The following SLC30A8 variants were observed in gnomAD, a reference collection of about 807,000 sequenced individuals.
SLC30A8 encodes the protein proton-coupled zinc antiporter SLC30A8.
In SLC30A8, 27 loss-of-function variants were observed where a neutral mutation model predicts 36.9. The observed-to-expected ratio is 0.73, with a 90% CI of 0.54 to 1.01. The LOEUF (loss-of-function observed/expected upper bound fraction) is 1.01. SLC30A8 is among the 50% of genes least tolerant of loss of function. The pLI, the probability that SLC30A8 is intolerant of heterozygous loss-of-function variation, is 0.00. For missense variants in SLC30A8, 439 were observed against 452.0 expected, an observed-to-expected ratio of 0.97 and a Z score of 0.26; for synonymous variants, 164 against 172.4, an observed-to-expected ratio of 0.95 and a Z score of 0.38.
chr8:117,176,011 A>T lies in SLC30A8; in HGVS notation c.*3330A>T, dbSNP rs774890877. On this transcript the variant is annotated 3_prime_UTR_variant, in exon 8 of 8. Coordinates refer to ENST00000456015, the MANE Select transcript of SLC30A8 (RefSeq NM_173851.3). ...ATAAAAAGAACAACTGTCCAGTGCA[A>T]TGAAGGCAAAGTCATAGGTCTCCCA... The T allele has an allele frequency of 3.3e-5, 5 of 152,106 alleles. No homozygotes were observed. Among genetic ancestry groups the T allele is most frequent in the Non-Finnish European group, 7.4e-5 (5 of 67,998 alleles). 9.4% of individuals were successfully genotyped at this position (152,106 alleles called of 1,614,324 possible). A position where few individuals can be genotyped will look rare whatever the true frequency, so the allele number is the denominator to read the frequency against.
chr8:117,027,247 T>C (rs1816904938), intron 1 of SLC30A8, among the ~76,000 whole-genome samples: 1 of 152,130 alleles, frequency 6.6e-6, no homozygotes, highest in Non-Finnish European at 1.5e-5. Flanking sequence ...CAAGGCTGCA[T>C]CTACCTCTCA....
chr8:117,071,346 C>T (rs1818326198), intron 2 of SLC30A8, among the ~76,000 whole-genome samples: 1 of 151,808 alleles, frequency 6.6e-6, no homozygotes, highest in Non-Finnish European at 1.5e-5. Flanking sequence ...ATTTTTATAT[C>T]TTCTTTTGAA....
chr8:116,977,991 CCGAAGAG>C (rs140968631), intron 1 of SLC30A8, among the ~76,000 whole-genome samples: 5,804 of 152,038 alleles, frequency 0.038, 357 homozygotes, highest in African/African-American at 0.13. Flanking sequence ...TGGCTAGTAC[CCGAAGAG>C]CATGTTAAAG....
At chr8:117,169,170 A>G (rs1823231378) in intron 6 of SLC30A8, among the ~76,000 whole-genome samples, 1 of 152,148 alleles carries the variant, frequency 6.6e-6, no homozygotes, top group South Asian at 2.1e-4. Context: ...GTAAAATAGC[A>G]TGATAACCAG....
At chr8:117,090,400 T>C (rs1819063645) in intron 2 of SLC30A8, among the ~76,000 whole-genome samples, 1 of 150,108 alleles carries the variant, frequency 6.7e-6, no homozygotes, top group East Asian at 1.9e-4. Context: ...CTTTGTTGTT[T>C]GGGCTACTGT....
At chr8:116,996,441 A>C (rs1815817217) in intron 1 of SLC30A8, among the ~76,000 whole-genome samples, 1 of 152,224 alleles carries the variant, frequency 6.6e-6, no homozygotes, top group African/African-American at 2.4e-5. Flanking sequence ...ACATTGTAGA[A>C]TGGCTAATCA....
At position 116,951,719 on chromosome 8, in the gene SLC30A8, G is replaced by T. The variant is rs145715860; in HGVS notation, c.-266+600G>T. On this transcript the variant is annotated intron_variant, in intron 1 of 10. Coordinates refer to the SLC30A8 transcript ENST00000427715. ...TTTATTGAACAGCATGAATCTAACAGTGCAAATTTGCTCTCTCTTCCTGTC... is the reference window on the plus strand; with the variant it reads ...TTTATTGAACAGCATGAATCTAACATTGCAAATTTGCTCTCTCTTCCTGTC... Among the ~76,000 whole-genome samples, 526 of 152,126 alleles carry T rather than the reference G, an allele frequency of 3.5e-3. 4 individuals carry two copies. The highest frequency in any genetic ancestry group is 0.012 in the African/African-American group (485 of 41,474).
intron 2 of SLC30A8, among the ~76,000 whole-genome samples, chr8:117,081,024 G>A (rs1818660045): frequency 6.6e-6 from 1 of 152,096 alleles, no homozygotes. Context: ...ATTTAATCTT[G>A]TTTCATTTTA....
chr8:117,153,031 C>G lies in SLC30A8; in HGVS notation c.359C>G (p.Ser120Cys). ...ACCAGTTTCCTGCTCAGTCTCTTCT[C>G]CCTGTGGTTGTCATCGAAGCCTCCC... ...DLTSFLLSLF[S>C]LWLSSKPPSK... is the part of the protein sequence containing the mutation. Residue 120 changes from serine to cysteine, a missense_variant, in exon 3 of 8, where the codon TCC becomes TGC. By Grantham distance (112) the Ser-to-Cys change is moderately radical (BLOSUM62 -1). Transcript: ENST00000456015. 1 of 1,613,586 alleles carries G rather than the reference C, an allele frequency of 6.2e-7. No homozygotes were observed. The highest frequency in any genetic ancestry group is 8.5e-7 in the Non-Finnish European group (1 of 1,179,608).
chr8:117,142,622 A>G (rs117474420), intron 1 of SLC30A8, among the ~76,000 whole-genome samples: 3,744 of 152,180 alleles, frequency 0.025, 68 homozygotes, highest in South Asian at 0.054. Flanking sequence ...GTCTTTGGGC[A>G]TTTGCTCCAG....
intron 2 of SLC30A8, among the ~76,000 whole-genome samples, chr8:117,045,098 T>C (rs567425400): frequency 1.9e-4 from 29 of 152,208 alleles, no homozygotes; most frequent in Non-Finnish European, 4.3e-4. Context: ...TTTCATCCTT[T>C]CAGCGGTGTA....
At chr8:117,042,675 T>C (rs939606207) in intron 2 of SLC30A8, among the ~76,000 whole-genome samples, 1 of 142,960 alleles carries the variant, frequency 7.0e-6, no homozygotes, top group Non-Finnish European at 1.5e-5. Flanking sequence ...ATTTAGTGCT[T>C]TTTTTTTTTT....
chr8:117,138,337 AT>A (rs1821467334), intron 1 of SLC30A8, among the ~76,000 whole-genome samples: 4 of 152,030 alleles, frequency 2.6e-5, no homozygotes, highest in Admixed American at 2.6e-4. Context: ...CAGAAAATTA[AT>A]AATTATTTAT....
chr8:117,030,225 A>G (rs1365753470), intron 1 of SLC30A8, among the ~76,000 whole-genome samples: 2 of 151,538 alleles, frequency 1.3e-5, no homozygotes, highest in Admixed American at 6.6e-5. Flanking sequence ...AGAACCATAC[A>G]TTGCTATTAT....
At chr8:117,170,476 G>A (rs1401076451) in intron 6 of SLC30A8, among the ~76,000 whole-genome samples, 1 of 152,158 alleles carries the variant, frequency 6.6e-6, no homozygotes, top group Non-Finnish European at 1.5e-5. Context: ...TCCTCTATTA[G>A]CACAGTTCAC....
At chr8:116,988,936 C>T (rs1190733090) in intron 1 of SLC30A8, among the ~76,000 whole-genome samples, 1 of 152,164 alleles carries the variant, frequency 6.6e-6, no homozygotes, top group African/African-American at 2.4e-5. Flanking sequence ...GGAAAAGTCT[C>T]CTCTTGTAGG....
At chr8:117,026,516 C>G (rs1324611550) in intron 1 of SLC30A8, among the ~76,000 whole-genome samples, 1 of 152,208 alleles carries the variant, frequency 6.6e-6, no homozygotes, top group African/African-American at 2.4e-5. Flanking sequence ...CTCCCTCTCT[C>G]TGTACATGAT....
At chr8:117,148,865 A>AAAG (rs1353680643) in intron 2 of SLC30A8, among the ~76,000 whole-genome samples, 1 of 152,162 alleles carries the variant, frequency 6.6e-6, no homozygotes, top group East Asian at 1.9e-4. Flanking sequence ...TTTGTATTCT[A>AAAG]AAGTTTTGAT....
chr8:117,137,845 C>G (rs1821432164), intron 1 of SLC30A8, among the ~76,000 whole-genome samples: 1 of 151,888 alleles, frequency 6.6e-6, no homozygotes, highest in Non-Finnish European at 1.5e-5. Context: ...AGTCCCAAGT[C>G]TCAGATTCCA....
Sources: allele counts gnomAD v4.1 joint callset (sites outside exome capture counted in the v4.1 genomes callset), GRCh38; gene constraint gnomAD v4.1.1; transcripts MANE v1.5; gene names NCBI Gene and HGNC (gene_info 2026-07-23, HGNC 2026-07-21).